The following SORCS1 variants were observed in gnomAD, a reference collection of about 807,000 sequenced individuals.
The protein encoded by SORCS1 is VPS10 domain-containing receptor SorCS1.
Under a neutral mutation model 146.1 loss-of-function variants are expected in SORCS1, and 60 were observed. The ratio of observed to expected loss-of-function variants is 0.41; its 90% CI spans 0.33 to 0.51. The LOEUF (loss-of-function observed/expected upper bound fraction) is 0.51, where lower values mean the gene tolerates loss of function less well. Among genes scored for constraint, SORCS1 ranks in the 20% least tolerant of loss-of-function variants. The pLI, the probability that SORCS1 is intolerant of heterozygous loss-of-function variation, is 0.21. For missense variants in SORCS1, 1,352 were observed against 1,487.6 expected, an observed-to-expected ratio of 0.91 and a Z score of 1.50; for synonymous variants, 637 against 584.0, an observed-to-expected ratio of 1.09 and a Z score of -1.31.
At chr10:106,700,192 G>A (rs982343296) in intron 8 of SORCS1, among the ~76,000 whole-genome samples, 6 of 152,188 alleles carry the variant, frequency 3.9e-5, no homozygotes, top group African/African-American at 1.4e-4. Context: ...TAGAATTAAA[G>A]CAAAGGTAGC....
intron 5 of SORCS1, among the ~76,000 whole-genome samples, chr10:106,731,540 C>T (rs914529582): frequency 7.9e-5 from 12 of 152,124 alleles, no homozygotes; most frequent in African/African-American, 2.9e-4. Flanking sequence ...TAGTTTAAGA[C>T]ACAAGTGAAA....
chr10:106,974,079 A>G (rs976407669), intron 1 of SORCS1, among the ~76,000 whole-genome samples: 7 of 152,172 alleles, frequency 4.6e-5, no homozygotes, highest in African/African-American at 1.7e-4. Context: ...GTGCTACTAC[A>G]TTTGATGTTA....
At chr10:107,107,284 T>C (rs1965373961) in intron 1 of SORCS1, among the ~76,000 whole-genome samples, 1 of 152,174 alleles carries the variant, frequency 6.6e-6, no homozygotes, top group Non-Finnish European at 1.5e-5. Context: ...AAAATACCTA[T>C]GTAATCCTGA....
At chr10:107,146,418 G>A (rs1968329354) in intron 1 of SORCS1, among the ~76,000 whole-genome samples, 1 of 152,146 alleles carries the variant, frequency 6.6e-6, no homozygotes, top group African/African-American at 2.4e-5. Context: ...AGCTTTGGGG[G>A]TTTTGAAAAG....
At chr10:106,714,751 C>T (rs191625042) in intron 6 of SORCS1, among the ~76,000 whole-genome samples, 2 of 152,116 alleles carry the variant, frequency 1.3e-5, no homozygotes, top group South Asian at 4.1e-4. Context: ...AATCCCTAGT[C>T]CAGCCCTTCT....
rs574116169 is a variant in SORCS1, at chr10:106,876,192, T to C, written c.627-46519A>G. On this transcript the variant is annotated intron_variant, in intron 2 of 25. Transcript: ENST00000263054. ...CTGGTTAAAGATACACTGTAAGGAA[T>C]GCAGCTTCTCTGACATTGAGGGCGC... Among the ~76,000 whole-genome samples the C allele has an allele frequency of 3.3e-5, 5 of 152,336 alleles. No homozygotes were observed. In the East Asian group the frequency reaches 9.6e-4, roughly 29 times the overall value.
chr10:106,638,618 C>T (rs1848868351), intron 18 of SORCS1, among the ~76,000 whole-genome samples: 1 of 152,160 alleles, frequency 6.6e-6, no homozygotes. Flanking sequence ...ATAGCTTAAA[C>T]TTTTATACCT....
At chr10:106,961,924 C>T (rs1350866023) in intron 1 of SORCS1, among the ~76,000 whole-genome samples, 1 of 152,206 alleles carries the variant, frequency 6.6e-6, no homozygotes, top group Non-Finnish European at 1.5e-5. Context: ...ACTTAACAAA[C>T]CTGCTTTCTT....
rs1048919723 is a variant in SORCS1, at chr10:107,060,314, G to A, written c.558+103655C>T. 2.0e-5 allele frequency among the ~76,000 whole-genome samples: 3 copies of A among 152,262 alleles called. No individual in the cohort carries two copies. Among genetic ancestry groups the A allele is most frequent in the Admixed American group, 2.0e-4 (3 of 15,294 alleles). On this transcript the variant is annotated intron_variant, in intron 1 of 25. Transcript: ENST00000263054. The surrounding 1 kb of genome is among the most constrained non-coding windows in gnomAD (Gnocchi z 4.1). ...CTGTTTTCCCCTCATCTGTAAAAGT[G>A]GGGTACTAGTACTGAGGAGGGTTCT...
intron 2 of SORCS1, among the ~76,000 whole-genome samples, chr10:106,934,966 A>G (rs952232141): frequency 1.3e-5 from 2 of 152,184 alleles, no homozygotes; most frequent in Admixed American, 6.6e-5. Context: ...TGGGCACAAT[A>G]TACACTACTC....
At chr10:106,735,406 A>G (rs1307534913) in intron 5 of SORCS1, among the ~76,000 whole-genome samples, 2 of 152,204 alleles carry the variant, frequency 1.3e-5, no homozygotes, top group Non-Finnish European at 2.9e-5. Flanking sequence ...GCAGTAACCC[A>G]ATGAAGAAAG....
At chr10:106,896,428 CAAAAAAA>C (rs781084783) in intron 2 of SORCS1, among the ~76,000 whole-genome samples, 1 of 57,154 alleles carries the variant, frequency 1.7e-5, no homozygotes, top group Non-Finnish European at 3.8e-5. Flanking sequence ...GACTTTGTCT[CAAAAAAA>C]AAAAAAAAAA....
intron 1 of SORCS1, among the ~76,000 whole-genome samples, chr10:107,041,448 A>G (rs1222017161): frequency 6.6e-6 from 1 of 151,974 alleles, no homozygotes; most frequent in Admixed American, 6.6e-5. Flanking sequence ...GAGATTTCTG[A>G]TAACTTCAGC....
At chr10:106,926,020 A>C (rs886867803) in intron 2 of SORCS1, among the ~76,000 whole-genome samples, 10 of 152,228 alleles carry the variant, frequency 6.6e-5, no homozygotes, top group Non-Finnish European at 1.0e-4. Context: ...GAAAAAAAAG[A>C]CTGAAAAATA....
chr10:106,630,583 T>A (rs1848384025), intron 18 of SORCS1, among the ~76,000 whole-genome samples: 2 of 152,218 alleles, frequency 1.3e-5, no homozygotes, highest in Admixed American at 6.5e-5. Context: ...ATGCAAGTCA[T>A]TCAGTCTCCT....
intron 1 of SORCS1, among the ~76,000 whole-genome samples, chr10:107,132,154 C>CT (rs1966903950): frequency 6.6e-6 from 1 of 152,102 alleles, no homozygotes; most frequent in African/African-American, 2.4e-5. Context: ...CCTTTCCCCT[C>CT]TTCTTTCTCT....
At chr10:106,624,694 A>G (rs1847981096) in intron 19 of SORCS1, among the ~76,000 whole-genome samples, 1 of 152,214 alleles carries the variant, frequency 6.6e-6, no homozygotes, top group Admixed American at 6.5e-5. Flanking sequence ...TTCAAGACAC[A>G]TAGTACGTTG....
intron 1 of SORCS1, among the ~76,000 whole-genome samples, chr10:107,049,985 G>T (rs571666005): frequency 6.6e-6 from 1 of 152,234 alleles, no homozygotes; most frequent in South Asian, 2.1e-4. Flanking sequence ...ATTTAATGAG[G>T]GATATCAGTG....
intron 1 of SORCS1, among the ~76,000 whole-genome samples, chr10:107,032,985 T>A (rs1958730921): frequency 6.6e-6 from 1 of 152,132 alleles, no homozygotes; most frequent in Admixed American, 6.5e-5. Flanking sequence ...GGACGGCATA[T>A]GTATTTAGTC....
Sources: allele counts gnomAD v4.1 joint callset (sites outside exome capture counted in the v4.1 genomes callset), GRCh38; gene constraint gnomAD v4.1.1; non-coding constraint Gnocchi (gnomAD v3.1); transcripts MANE v1.5; gene names NCBI Gene and HGNC (gene_info 2026-07-23, HGNC 2026-07-21).